The following LRP2 variants were observed in gnomAD, a reference collection of about 807,000 sequenced individuals.
The protein encoded by LRP2 is LDL receptor related protein 2.
Under a neutral mutation model 531.0 loss-of-function variants are expected in LRP2, and 172 were observed. The observed-to-expected ratio is 0.32, with a 90% CI of 0.29 to 0.37. The LOEUF is 0.37. LRP2 is among the 10% of genes least tolerant of loss of function. The probability of loss-of-function intolerance (pLI) is 1.00; values close to 1 mark genes in which losing one functional copy is unlikely to be tolerated. For synonymous variants in LRP2, 1,992 were observed against 2,027.6 expected (o/e 0.98, Z 0.47); for missense variants, 5,167 against 5,868.3 (o/e 0.88, Z 3.90).
chr2:169,248,130 C>T (rs1690084107), intron 19 of LRP2, among the ~76,000 whole-genome samples: 1 of 119,366 alleles, frequency 8.4e-6, no homozygotes, highest in Admixed American at 9.3e-5. Context: ...CACCTACAAC[C>T]ACACTACTAA....
chr2:169,137,324 G>C, intron 76 of LRP2, 68 bp downstream of exon 76: 1 of 1,148,324 alleles, frequency 8.7e-7, no homozygotes, highest in Non-Finnish European at 1.3e-6. Context: ...AAAATCCTAA[G>C]ACATGACTCA....
chr2:169,141,377 C>A (rs1685713530), intron 71 of LRP2, among the ~76,000 whole-genome samples: 1 of 152,138 alleles, frequency 6.6e-6, no homozygotes, highest in Non-Finnish European at 1.5e-5. Flanking sequence ...TATTTATTGA[C>A]TTCTCTATTT....
In LRP2 at chr2:169,206,173, T is replaced by C. The variant is rs116507519; in HGVS notation, c.7406A>G (p.Asp2469Gly). 2.6e-4 allele frequency: 412 copies of C among 1,614,180 alleles called. 2 individuals carry two copies. The African/African-American group carries it at 5.0e-3, about 19-fold the overall frequency. ...AGTAATCCAGTCAAAGGCAATGCCA[T>C]CAGCAGTCCCTATACCTGGACACAT... ...TVIASGIGTA[D>G]GIAFDWITRR... Residue 2469 changes from aspartate (D) to glycine (G), a missense_variant, in exon 40 of 79, where the codon GAT becomes GGT. Coordinates refer to ENST00000649046, the MANE Select transcript of LRP2 (RefSeq NM_004525.3).
At chr2:169,200,391 G>T (rs558730048) in intron 44 of LRP2, among the ~76,000 whole-genome samples, 117 of 152,284 alleles carry the variant, frequency 7.7e-4, no homozygotes, top group Non-Finnish European at 1.4e-3. Flanking sequence ...AGGGAATGAG[G>T]TCTCCTTGGA....
rs1347189776 is a variant in LRP2, at chr2:169,128,503, G to C, written c.*160C>G. On this transcript the variant is annotated 3_prime_UTR_variant, in exon 79 of 79. Coordinates refer to ENST00000649046, the MANE Select transcript of LRP2 (RefSeq NM_004525.3). The stretch of plus-strand genomic sequence containing the variant: ...TAATTATTTGTAAAAATATGAGACG[G>C]CATAAGTAAAAAAAGACACACAGGA... 9.2e-6 allele frequency: 6 copies of C among 653,250 alleles called. No individual in the cohort carries two copies. The East Asian group carries it at 1.7e-4, about 18-fold the overall frequency. 40.5% of individuals were successfully genotyped at this position (653,250 alleles called of 1,614,324 possible).
At chr2:169,218,914 C>T (rs1214296694) in intron 34 of LRP2, among the ~76,000 whole-genome samples, 1 of 152,098 alleles carries the variant, frequency 6.6e-6, no homozygotes, top group Non-Finnish European at 1.5e-5. Flanking sequence ...CATCTTCTGC[C>T]CAAACCCCAC....
chr2:169,331,646 C>T (rs550646543), intron 1 of LRP2, among the ~76,000 whole-genome samples: 10 of 152,318 alleles, frequency 6.6e-5, no homozygotes, highest in African/African-American at 2.2e-4. Flanking sequence ...GAAAAGAACA[C>T]TATCCAAACA....
rs564840159 is a variant in LRP2, at chr2:169,362,214, G to C, written c.79+107C>G. ...GGGAGCAGCTCCCGCGCCGCCGCCCGGCCCTAGCCCCTGCCCGGACGCTCT... is the reference window on the plus strand; with the variant it reads ...GGGAGCAGCTCCCGCGCCGCCGCCCCGCCCTAGCCCCTGCCCGGACGCTCT... On this transcript the variant is annotated intron_variant, in intron 1 of 78. Transcript: ENST00000649046. 4.8e-5 allele frequency: 45 copies of C among 945,504 alleles called. No homozygotes were observed. The South Asian group carries it at 8.3e-4, about 17-fold the overall frequency. The allele number at this position is 945,504 out of a possible 1,614,324, so 58.6% of individuals were successfully genotyped here.
intron 1 of LRP2, among the ~76,000 whole-genome samples, chr2:169,324,073 T>C (rs1684979187): frequency 6.6e-6 from 1 of 152,210 alleles, no homozygotes; most frequent in Non-Finnish European, 1.5e-5. Context: ...AGCACTTAAA[T>C]GGCACACACC....
At chr2:169,179,626 AG>A (rs1687350942) in intron 52 of LRP2, among the ~76,000 whole-genome samples, 1 of 152,062 alleles carries the variant, frequency 6.6e-6, no homozygotes, top group Non-Finnish European at 1.5e-5. Context: ...AGGCTGAGAC[AG>A]GGGAATTGCT....
chr2:169,362,027 G>T (rs1365069009), intron 1 of LRP2, among the ~76,000 whole-genome samples: 1 of 152,388 alleles, frequency 6.6e-6, no homozygotes, highest in Middle Eastern at 3.4e-3. Context: ...CTTTCCAGGA[G>T]CATCGGACCA....
At chr2:169,294,532 A>AT (rs1684085792) in intron 5 of LRP2, 68 bp downstream of exon 5, 2 of 1,122,162 alleles carry the variant, frequency 1.8e-6, no homozygotes, top group Non-Finnish European at 1.4e-6. Context: ...AGATGTACAT[A>AT]TTGGCTCTCT....
chr2:169,243,670 A>G, intron 22 of LRP2, 148 bp from the exon 23 acceptor site: 1 of 910,932 alleles, frequency 1.1e-6, no homozygotes, highest in Non-Finnish European at 1.8e-6. Flanking sequence ...TATCAAAGTC[A>G]GCTAAGCAAA....
In LRP2 at chr2:169,157,486, T is replaced by C. The variant is rs1408404816; in HGVS notation, c.11904A>G (p.Arg3968=). The C allele has an allele frequency of 6.2e-7, 1 of 1,613,140 alleles. No individual in the cohort carries two copies. Among genetic ancestry groups the C allele is most frequent in the East Asian group, 2.2e-5 (1 of 44,844 alleles). The change falls in exon 64 of 79, where the codon AGA becomes AGG. Residue 3968 remains arginine (R), a synonymous_variant. Transcript: ENST00000649046. ...GCTCGCATATATTTTCAGCACATGT[T>C]CTTTCTTTTCCTTTATCTGAAAAAC... ...DELGCNKGKE[R]TCAENICEQN... is the part of the protein sequence containing the mutation.
intron 4 of LRP2, 40 bp downstream of exon 4, chr2:169,307,241 G>T: frequency 7.4e-7 from 1 of 1,351,360 alleles, no homozygotes; most frequent in Non-Finnish European, 1.1e-6. Context: ...AAGGGACAAG[G>T]GTGAAACCAA....
intron 36 of LRP2, among the ~76,000 whole-genome samples, chr2:169,212,568 A>T (rs2105341755): frequency 6.6e-6 from 1 of 152,242 alleles, no homozygotes; most frequent in East Asian, 1.9e-4. Flanking sequence ...GATTTTTTTT[A>T]AATATATGAA....
intron 19 of LRP2, among the ~76,000 whole-genome samples, chr2:169,248,765 C>A (rs1170225301): frequency 7.5e-6 from 1 of 132,714 alleles, no homozygotes; most frequent in Non-Finnish European, 1.6e-5. Flanking sequence ...TGGGCGCAGG[C>A]CAGTGTGTGT....
intron 70 of LRP2, 144 bp from the exon 71 acceptor site, chr2:169,142,937 C>T (rs576704967): frequency 2.4e-6 from 2 of 847,894 alleles, no homozygotes; most frequent in South Asian, 2.8e-5. Flanking sequence ...TGGCCACTCA[C>T]CCTCATTTAC....
chr2:169,172,913 C>T lies in LRP2; in HGVS notation c.11143+183G>A, dbSNP rs563475302. Among the ~76,000 whole-genome samples the T allele has an allele frequency of 5.4e-4, 83 of 152,314 alleles. 3 individuals carry two copies. In the South Asian group the frequency reaches 0.017, roughly 32 times the overall value. The stretch of plus-strand genomic sequence containing the variant: ...CTTAAAGTGCTACAAATTAAATACC[C>T]CTGGTAACCCTGCAAAATGCTACAA... On this transcript the variant is annotated intron_variant, in intron 57 of 78. Coordinates refer to ENST00000649046, the MANE Select transcript of LRP2 (RefSeq NM_004525.3).
Sources: gnomAD v4.1 joint callset for allele counts (sites outside exome capture counted in the v4.1 genomes callset) on GRCh38, gnomAD v4.1.1 for gene constraint, MANE v1.5 for transcripts, NCBI Gene and HGNC (gene_info 2026-07-23, HGNC 2026-07-21) for gene names.